The following ZNF560 variants were observed in gnomAD, a reference collection of about 807,000 sequenced individuals.
ZNF560 encodes the protein zinc finger protein 560.
ZNF560 carries 54 observed loss-of-function variants against 81.8 expected under a neutral mutation model. That is an observed-to-expected ratio of 0.66 (90% CI 0.53 to 0.83). ZNF560 has a LOEUF of 0.83. ZNF560 is among the 40% of genes least tolerant of loss of function. The pLI is 0.00. For synonymous variants in ZNF560, 321 were observed against 317.9 expected (o/e 1.01, Z -0.10); for missense variants, 940 against 932.4 (o/e 1.01, Z -0.11).
the ZNF560 span, among the ~76,000 whole-genome samples, chr19:9,457,970 T>C: frequency 6.6e-6 from 1 of 152,194 alleles, no homozygotes; most frequent in Non-Finnish European, 1.5e-5. Context: ...CTAGATTTGC[T>C]CATTTTTCCA....
At chr19:9,455,225 G>A in the ZNF560 span, among the ~76,000 whole-genome samples, 2 of 152,164 alleles carry the variant, frequency 1.3e-5, no homozygotes, top group Non-Finnish European at 2.9e-5. Context: ...AGTTTAAACA[G>A]GCTATCAATC....
At chr19:9,482,456 A>G (rs1017901157) in intron 2 of ZNF560, among the ~76,000 whole-genome samples, 1 of 149,762 alleles carries the variant, frequency 6.7e-6, no homozygotes, top group African/African-American at 2.4e-5. Flanking sequence ...AAGGGGGAGA[A>G]GGAAGGAAGG....
At chr19:9,460,828 T>C in the ZNF560 span, among the ~76,000 whole-genome samples, 8 of 152,324 alleles carry the variant, frequency 5.3e-5, no homozygotes, top group Admixed American at 2.6e-4. Flanking sequence ...GAAGATTGCA[T>C]TGCAGGACAG....
intron 2 of ZNF560, among the ~76,000 whole-genome samples, chr19:9,494,357 C>A (rs1336089038): frequency 6.6e-6 from 1 of 152,122 alleles, no homozygotes; most frequent in Admixed American, 6.6e-5. Context: ...AATTCACGAT[C>A]ATATCTGCTA....
the ZNF560 span, among the ~76,000 whole-genome samples, chr19:9,459,842 C>T: frequency 6.6e-6 from 1 of 152,252 alleles, no homozygotes; most frequent in Non-Finnish European, 1.5e-5. Flanking sequence ...GACTGTAGTG[C>T]AGCGGGGCAG....
the ZNF560 span, among the ~76,000 whole-genome samples, chr19:9,450,881 A>G: frequency 1.2e-4 from 18 of 152,174 alleles, no homozygotes; most frequent in Non-Finnish European, 1.8e-4. Flanking sequence ...TCAAGATGCA[A>G]TCTCATTTAC....
At chr19:9,488,310 A>G (rs2073418090) in intron 2 of ZNF560, among the ~76,000 whole-genome samples, 1 of 152,194 alleles carries the variant, frequency 6.6e-6, no homozygotes, top group African/African-American at 2.4e-5. Context: ...TCCTGAGCCA[A>G]AGAAACCTCT....
chr19:9,460,741 T>A, the ZNF560 span, among the ~76,000 whole-genome samples: 2 of 152,206 alleles, frequency 1.3e-5, no homozygotes, highest in Admixed American at 6.5e-5. Context: ...GCTCCTCTAA[T>A]TGAGGCATAC....
rs763677471 is a variant in ZNF560, at chr19:9,467,089, G to A, written c.1858C>T (p.Arg620Ter). The change falls in exon 10 of 10, where the codon CGA becomes TGA. Residue 620 changes from arginine to a stop codon, truncating the protein, a stop_gained. Coordinates refer to ENST00000301480, the MANE Select transcript of ZNF560 (RefSeq NM_152476.3). LOFTEE classifies it high-confidence loss of function. Reference protein sequence around the residue: ...TERSDLTKHLRRHTGDKPYEY... With the variant: ...TERSDLTKHL Reference sequence around the variant, plus strand: ...TAGGGCTTATCTCCAGTGTGTCTTCGTAAATGTTTAGTAAGATCTGAGCGT... The same window carrying A: ...TAGGGCTTATCTCCAGTGTGTCTTCATAAATGTTTAGTAAGATCTGAGCGT... 48 of 1,613,594 alleles carry A rather than the reference G, an allele frequency of 3.0e-5. No homozygotes were observed. Among genetic ancestry groups the A allele is most frequent in the South Asian group, 7.7e-5 (7 of 91,066 alleles).
chr19:9,468,457 C>T, intron 9 of ZNF560, 123 bp from the exon 10 acceptor site: 1 of 691,416 alleles, frequency 1.4e-6, no homozygotes, highest in Non-Finnish European at 2.3e-6. Flanking sequence ...ATAGTTTCTA[C>T]CTTTTGGATT....
rs753998579 is a variant in ZNF560, at chr19:9,469,187, T to A, written c.530A>T (p.Glu177Val). Reference protein sequence around the residue: ...ELSTLPRVLQEWKMCLKTKGP... With the variant: ...ELSTLPRVLQVWKMCLKTKGP... ...TTTGGTTTTCAGGCACATTTTCCAT[T>A]CTGAAATAAAAGAGAAAAATATACA... Residue 177 changes from glutamate to valine, a missense_variant and splice_region_variant, in exon 9 of 10, where the codon GAA (glutamate) becomes GTA (valine). Coordinates refer to ENST00000301480, the MANE Select transcript of ZNF560 (RefSeq NM_152476.3). 1.3e-6 allele frequency: 2 copies of A among 1,583,568 alleles called. No homozygotes were observed. Among genetic ancestry groups the A allele is most frequent in the Admixed American group, 3.8e-5 (2 of 51,978 alleles).
chr19:9,466,689 G>C lies in ZNF560; in HGVS notation c.2258C>G (p.Ser753Ter). The change falls in exon 10 of 10, where the codon TCA becomes TGA. Residue 753 changes from serine to a stop codon, truncating the protein, a stop_gained. Coordinates refer to ENST00000301480, the MANE Select transcript of ZNF560 (RefSeq NM_152476.3). LOFTEE classifies it high-confidence loss of function. ...AGTTCTTAAATGTTGAATACGTCCT[G>C]AGGATGTACGGAAGGCCTTCCCACA... ...KECGKAFRTS[S>*]GRIQHLRTHM... 1 of 1,614,110 alleles carries C rather than the reference G, an allele frequency of 6.2e-7. No individual in the cohort carries two copies. The highest frequency in any genetic ancestry group is 8.5e-7 in the Non-Finnish European group (1 of 1,180,000).
chr19:9,472,583 T>C (rs2073139723), intron 5 of ZNF560, among the ~76,000 whole-genome samples: 1 of 152,166 alleles, frequency 6.6e-6, no homozygotes, highest in African/African-American at 2.4e-5. Flanking sequence ...TCTGTCACTG[T>C]CTCCCATCAC....
chr19:9,479,350 AC>A (rs2073249970), intron 2 of ZNF560, among the ~76,000 whole-genome samples: 1 of 151,928 alleles, frequency 6.6e-6, no homozygotes, highest in Admixed American at 6.6e-5. Flanking sequence ...TTTACAAGAG[AC>A]TCACTTCATC....
chr19:9,446,768 T>TA, the ZNF560 span, among the ~76,000 whole-genome samples: 1 of 152,140 alleles, frequency 6.6e-6, no homozygotes, highest in African/African-American at 2.4e-5. Context: ...TTGATTTACT[T>TA]ATAGTATAGA....
Position 9,497,240 on chromosome 19 carries a change from T to G in ZNF560, c.-57+888A>C, listed in dbSNP as rs1409194835. ...TAGTAAATATTAGATAACATTATTA[T>G]TTTTAATTTTCTTGATGCAAATAGT... On this transcript the variant is annotated intron_variant, in intron 2 of 9. Transcript: ENST00000301480. 2.0e-5 allele frequency among the ~76,000 whole-genome samples: 3 copies of G among 152,190 alleles called. No individual in the cohort carries two copies. In the South Asian group the frequency reaches 6.2e-4, roughly 32 times the overall value.
intron 2 of ZNF560, among the ~76,000 whole-genome samples, chr19:9,494,323 A>G (rs2073522081): frequency 6.6e-6 from 1 of 152,168 alleles, no homozygotes; most frequent in Admixed American, 6.5e-5. Context: ...CATGCCAGTT[A>G]CCAAGTTATC....
chr19:9,448,639 T>C, the ZNF560 span, among the ~76,000 whole-genome samples: 4 of 152,062 alleles, frequency 2.6e-5, no homozygotes, highest in South Asian at 6.2e-4. Flanking sequence ...AAAAACAAAA[T>C]AGAAACTATA....
downstream of ZNF560, among the ~76,000 whole-genome samples, chr19:9,464,693 G>A (rs2072987887): frequency 6.6e-6 from 1 of 152,188 alleles, no homozygotes; most frequent in South Asian, 2.1e-4. Context: ...AAACAGGATT[G>A]TCTGAATCCT....
Sources: gnomAD v4.1 joint callset for allele counts (sites outside exome capture counted in the v4.1 genomes callset) on GRCh38, gnomAD v4.1.1 for gene constraint, MANE v1.5 for transcripts, NCBI Gene and HGNC (gene_info 2026-07-23, HGNC 2026-07-21) for gene names.